Variants in TAS2R1 observed in about 807,000 individuals in gnomAD.
TAS2R1 encodes the protein taste 2 receptor member 1, also known as taste receptor type 2 member 1.
For synonymous variants in TAS2R1, 141 were observed against 134.2 expected, an observed-to-expected ratio of 1.05 and a Z score of -0.35; for missense variants, 370 against 353.4, an observed-to-expected ratio of 1.05 and a Z score of -0.38.
chr5:9,677,682 G>T (rs60378073), intron 1 of TAS2R1, among the ~76,000 whole-genome samples: 21,311 of 152,116 alleles, frequency 0.14, 1,881 homozygotes, highest in South Asian at 0.2. Flanking sequence ...CTAAATGCTG[G>T]CAAGAATGCA....
intron 2 of TAS2R1, among the ~76,000 whole-genome samples, chr5:9,642,945 C>A (rs547923940): frequency 4.6e-4 from 70 of 151,750 alleles, no homozygotes; most frequent in Non-Finnish European, 8.7e-4. Flanking sequence ...TTCCCTCCCT[C>A]CTTCTCTCTT....
chr5:9,698,400 C>T (rs1040187757), intron 1 of TAS2R1, among the ~76,000 whole-genome samples: 12 of 152,138 alleles, frequency 7.9e-5, no homozygotes, highest in Non-Finnish European at 1.8e-4. Context: ...TAAAATAACT[C>T]GCGTGACATT....
chr5:9,849,236 T>TG, the TAS2R1 span, among the ~76,000 whole-genome samples: 1 of 152,202 alleles, frequency 6.6e-6, no homozygotes, highest in Non-Finnish European at 1.5e-5. Flanking sequence ...TCTAACCCAG[T>TG]GGGGCCACCC....
chr5:9,854,837 T>C, the TAS2R1 span, among the ~76,000 whole-genome samples: 7 of 152,222 alleles, frequency 4.6e-5, no homozygotes, highest in African/African-American at 1.7e-4. Flanking sequence ...TTGAAGGATA[T>C]TCAGCCCATA....
the TAS2R1 span, among the ~76,000 whole-genome samples, chr5:9,766,655 G>A: frequency 6.6e-6 from 1 of 152,202 alleles, no homozygotes; most frequent in African/African-American, 2.4e-5. Flanking sequence ...AGGTAAGGGA[G>A]GTGTTCCGAA....
At chr5:9,684,571 A>C (rs1741089576) in intron 1 of TAS2R1, among the ~76,000 whole-genome samples, 1 of 152,194 alleles carries the variant, frequency 6.6e-6, no homozygotes, top group African/African-American at 2.4e-5. Flanking sequence ...GAAGTGCAAC[A>C]GCTATTCACA....
the TAS2R1 span, among the ~76,000 whole-genome samples, chr5:9,875,274 G>T: frequency 6.6e-6 from 1 of 152,066 alleles, no homozygotes; most frequent in Admixed American, 6.5e-5. Flanking sequence ...AACTGGAAAG[G>T]GTATGTCCTA....
At chr5:9,882,734 T>C in the TAS2R1 span, among the ~76,000 whole-genome samples, 45 of 152,272 alleles carry the variant, frequency 3.0e-4, no homozygotes, top group East Asian at 8.3e-3. Flanking sequence ...AGATTGTAAA[T>C]TAGTTTAACC....
intron 1 of TAS2R1, among the ~76,000 whole-genome samples, chr5:9,699,790 T>G (rs2126524274): frequency 6.6e-6 from 1 of 152,322 alleles, no homozygotes; most frequent in South Asian, 2.1e-4. Context: ...CTGCTGATTC[T>G]TAACTACTTT....
chr5:9,682,739 GTCAA>G (rs2126511553), intron 1 of TAS2R1, among the ~76,000 whole-genome samples: 1 of 152,280 alleles, frequency 6.6e-6, no homozygotes, highest in East Asian at 1.9e-4. Flanking sequence ...CTGCCACACT[GTCAA>G]TCAAACTAGA....
At chr5:9,774,175 T>G in the TAS2R1 span, among the ~76,000 whole-genome samples, 1 of 152,228 alleles carries the variant, frequency 6.6e-6, no homozygotes, top group Admixed American at 6.5e-5. Flanking sequence ...TTCACCTAAT[T>G]GTTTCTTCCA....
chr5:9,799,442 G>T, the TAS2R1 span, among the ~76,000 whole-genome samples: 1 of 152,168 alleles, frequency 6.6e-6, no homozygotes, highest in Non-Finnish European at 1.5e-5. Context: ...GGATCCTGAG[G>T]CAGAGGATTC....
At chr5:9,702,182 G>C (rs1741502426) in intron 1 of TAS2R1, among the ~76,000 whole-genome samples, 1 of 152,140 alleles carries the variant, frequency 6.6e-6, no homozygotes, top group Non-Finnish European at 1.5e-5. Flanking sequence ...TCCAATAAGT[G>C]CCAAATACTT....
the TAS2R1 span, among the ~76,000 whole-genome samples, chr5:9,767,223 G>A: frequency 6.6e-5 from 10 of 151,284 alleles, no homozygotes; most frequent in South Asian, 4.2e-4. Context: ...GCAATCCCAC[G>A]CATCATCCAG....
chr5:9,746,543 A>G, the TAS2R1 span, among the ~76,000 whole-genome samples: 1 of 152,194 alleles, frequency 6.6e-6, no homozygotes, highest in African/African-American at 2.4e-5. Context: ...TAGACTGGAT[A>G]AAGAAAATGT....
At chr5:9,753,828 T>A in the TAS2R1 span, among the ~76,000 whole-genome samples, 1 of 152,224 alleles carries the variant, frequency 6.6e-6, no homozygotes, top group African/African-American at 2.4e-5. Context: ...TTCTTGTTTT[T>A]GTCATGTTTG....
intron 2 of TAS2R1, among the ~76,000 whole-genome samples, chr5:9,647,549 T>C (rs566880317): frequency 1.3e-5 from 2 of 152,100 alleles, no homozygotes; most frequent in South Asian, 4.2e-4. Context: ...GTAAAAAACA[T>C]TTAGCAATGG....
intron 1 of TAS2R1, among the ~76,000 whole-genome samples, chr5:9,693,796 C>T (rs1561381017): frequency 6.6e-6 from 1 of 152,088 alleles, no homozygotes; most frequent in East Asian, 1.9e-4. Flanking sequence ...GTATATCACA[C>T]AGCTGCAGTT....
chr5:9,808,361 T>G, the TAS2R1 span, among the ~76,000 whole-genome samples: 4 of 151,908 alleles, frequency 2.6e-5, no homozygotes, highest in African/African-American at 7.3e-5. Context: ...TGAGGAGATT[T>G]CTGAGCAAAG....
Sources: gnomAD v4.1 joint callset for allele counts (sites outside exome capture counted in the v4.1 genomes callset) on GRCh38, gnomAD v4.1.1 for gene constraint, MANE v1.5 for transcripts, NCBI Gene and HGNC (gene_info 2026-07-23, HGNC 2026-07-21) for gene names.